Variants in ZNF827 observed in about 807,000 individuals in gnomAD.
ZNF827 encodes zinc finger protein 827.
ZNF827 carries 13 observed loss-of-function variants against 102.4 expected under a neutral mutation model. The ratio of observed to expected loss-of-function variants is 0.13; its 90% CI spans 0.08 to 0.20. The LOEUF (loss-of-function observed/expected upper bound fraction) is 0.20, where lower values mean the gene tolerates loss of function less well. ZNF827 is among the 10% of genes least tolerant of loss of function. The pLI is 1.00. For synonymous variants in ZNF827, 523 were observed against 536.2 expected (o/e 0.98, Z 0.34); for missense variants, 1,103 against 1,344.4 (o/e 0.82, Z 2.81).
chr4:145,870,507 T>C, intron 4 of ZNF827, 29 bp from the exon 5 acceptor site: 4 of 1,598,358 alleles, frequency 2.5e-6, no homozygotes, highest in Non-Finnish European at 3.4e-6. Flanking sequence ...GGATTATATA[T>C]ACATAAAAGG....
intron 9 of ZNF827, among the ~76,000 whole-genome samples, chr4:145,778,599 G>C (rs574737317): frequency 6.6e-6 from 1 of 152,202 alleles, no homozygotes; most frequent in South Asian, 2.1e-4. Flanking sequence ...GTGACAGAGC[G>C]AGACCCTATC....
intron 7 of ZNF827, among the ~76,000 whole-genome samples, chr4:145,842,028 T>C (rs552569409): frequency 6.0e-4 from 91 of 152,176 alleles, no homozygotes; most frequent in African/African-American, 2.0e-3. Context: ...AGGAGGGAGA[T>C]AGATAAAACA....
At chr4:145,917,700 CAAAAAA>C (rs763617063) in intron 1 of ZNF827, among the ~76,000 whole-genome samples, 48 of 46,850 alleles carry the variant, frequency 1.0e-3, no homozygotes, top group Non-Finnish European at 1.6e-3. Context: ...GGTAGCTGGT[CAAAAAA>C]AAAAAAAAAA....
Position 145,761,470 on chromosome 4 carries a change from G to C in ZNF827, c.*146C>G. 1 of 1,289,866 alleles carries C rather than the reference G, an allele frequency of 7.8e-7. No individual in the cohort carries two copies. The highest frequency in any genetic ancestry group is 1.0e-6 in the Non-Finnish European group (1 of 988,872). The allele number at this position is 1,289,866 out of a possible 1,614,324, so 79.9% of individuals were successfully genotyped here. On this transcript the variant is annotated 3_prime_UTR_variant, in exon 15 of 15. Transcript: ENST00000508784. The surrounding 1 kb of genome is among the most constrained non-coding windows in gnomAD (Gnocchi z 6.8). ...GCCCAGGCGGTGCTCCCGGGTGTGC[G>C]TCTCCAGCTCCAGCTGGTTGGCCTT...
chr4:145,885,847 G>C lies in ZNF827; in HGVS notation c.1578C>G (p.Pro526=). 1 of 1,614,200 alleles carries C rather than the reference G, an allele frequency of 6.2e-7. No individual in the cohort carries two copies. Among genetic ancestry groups the C allele is most frequent in the South Asian group, 1.1e-5 (1 of 91,086 alleles). ...GVSPLLVKEE[P]KEDNGLPTSF... ...AGGTGGGCAGGCCGTTATCTTCCTT[G>C]GGTTCCTCCTTCACCAGCAAAGGCG... Residue 526 remains proline, a synonymous_variant, in exon 4 of 15, where the codon CCC becomes CCG. Transcript: ENST00000508784.
At chr4:145,914,253 G>A (rs898020360) in intron 1 of ZNF827, among the ~76,000 whole-genome samples, 1 of 152,152 alleles carries the variant, frequency 6.6e-6, no homozygotes, top group African/African-American at 2.4e-5. Context: ...CAAGGGAAAA[G>A]AGACAAAATA....
At chr4:145,773,063 GTA>G (rs965168152) in intron 11 of ZNF827, among the ~76,000 whole-genome samples, 1 of 152,090 alleles carries the variant, frequency 6.6e-6, no homozygotes, top group Non-Finnish European at 1.5e-5. Flanking sequence ...CTGGGTTCAG[GTA>G]TACTTTGGAG....
chr4:145,787,464 G>GAAA (rs35041321), intron 8 of ZNF827, among the ~76,000 whole-genome samples: 72 of 83,220 alleles, frequency 8.7e-4, no homozygotes, highest in African/African-American at 2.7e-3. Context: ...TCCGTCTCAG[G>GAAA]AAAAAAAAAA....
At chr4:145,786,226 G>A (rs1034285665) in intron 8 of ZNF827, among the ~76,000 whole-genome samples, 1 of 152,158 alleles carries the variant, frequency 6.6e-6, no homozygotes, top group Admixed American at 6.5e-5. Context: ...TATATTTGGT[G>A]TATTGTTTGG....
intron 1 of ZNF827, among the ~76,000 whole-genome samples, chr4:145,916,244 G>A (rs905536533): frequency 5.9e-5 from 9 of 152,188 alleles, no homozygotes; most frequent in East Asian, 1.9e-4. Flanking sequence ...CCAGGCGGTC[G>A]TGAAATCTAG....
intron 8 of ZNF827, among the ~76,000 whole-genome samples, chr4:145,803,128 T>A (rs139256067): frequency 1.1e-4 from 16 of 152,338 alleles, no homozygotes; most frequent in African/African-American, 3.8e-4. Flanking sequence ...TATCTCTATA[T>A]GTTTTGCATT....
intron 7 of ZNF827, among the ~76,000 whole-genome samples, chr4:145,828,049 C>T (rs938696157): frequency 1.1e-4 from 16 of 152,142 alleles, no homozygotes; most frequent in African/African-American, 3.6e-4. Context: ...CAGCGGGCAG[C>T]GGAGAGGCAA....
intron 8 of ZNF827, among the ~76,000 whole-genome samples, chr4:145,798,985 T>C (rs1164536127): frequency 6.6e-6 from 1 of 152,250 alleles, no homozygotes; most frequent in Non-Finnish European, 1.5e-5. Flanking sequence ...GGCAATGTTA[T>C]CTAAAGTTGA....
intron 1 of ZNF827, among the ~76,000 whole-genome samples, chr4:145,911,112 T>C (rs1244911002): frequency 6.6e-6 from 1 of 152,228 alleles, no homozygotes; most frequent in African/African-American, 2.4e-5. Flanking sequence ...ATGCTATTTT[T>C]CTCATGTGAG....
chr4:145,768,891 A>AATT (rs1735774799), intron 11 of ZNF827, among the ~76,000 whole-genome samples: 1 of 11,612 alleles, frequency 8.6e-5, no homozygotes, highest in Non-Finnish European at 2.1e-4. Context: ...AAAAAAAAAA[A>AATT]TATATATATA....
Position 145,844,136 on chromosome 4 carries a change from C to T in ZNF827, c.2279+1820G>A, listed in dbSNP as rs1446129798. Among the ~76,000 whole-genome samples, 4 of 152,134 alleles carry T rather than the reference C, an allele frequency of 2.6e-5. No homozygotes were observed. The East Asian group carries it at 5.8e-4, about 22-fold the overall frequency. On this transcript the variant is annotated intron_variant, in intron 7 of 14. Coordinates refer to ENST00000508784, the MANE Select transcript of ZNF827 (RefSeq NM_001306215.2). ...TTAGACCCACAGACACAAGCACATA[C>T]ACTAAATAGCTTAAAGGTTAGATGT...
At chr4:145,865,874 T>C (rs368383106) in intron 5 of ZNF827, among the ~76,000 whole-genome samples, 1 of 152,260 alleles carries the variant, frequency 6.6e-6, no homozygotes, top group East Asian at 1.9e-4. Flanking sequence ...AAGTTTCCAC[T>C]CTTGGGTCCC....
intron 8 of ZNF827, among the ~76,000 whole-genome samples, chr4:145,796,614 T>C (rs901840759): frequency 6.9e-6 from 1 of 145,710 alleles, no homozygotes; most frequent in Non-Finnish European, 1.5e-5. Flanking sequence ...AATTATATCA[T>C]TTGTTCCTCT....
intron 5 of ZNF827, among the ~76,000 whole-genome samples, chr4:145,865,299 G>T (rs187458481): frequency 1.2e-3 from 190 of 152,342 alleles, no homozygotes; most frequent in African/African-American, 4.3e-3. Context: ...TCACTGAAGA[G>T]AGATGGTTCT....
Sources: gnomAD v4.1 joint callset for allele counts (sites outside exome capture counted in the v4.1 genomes callset) on GRCh38, gnomAD v4.1.1 for gene constraint, Gnocchi (gnomAD v3.1) non-coding constraint, MANE v1.5 for transcripts, NCBI Gene and HGNC (gene_info 2026-07-23, HGNC 2026-07-21) for gene names.